Variants in ALS2 observed in about 807,000 individuals in gnomAD.
ALS2 encodes alsin Rho guanine nucleotide exchange factor ALS2, also known as alsin.
ALS2 carries 117 observed loss-of-function variants against 203.4 expected under a neutral mutation model. The ratio of observed to expected loss-of-function variants is 0.58; its 90% CI spans 0.50 to 0.67. ALS2 has a LOEUF of 0.67. Ranked by LOEUF, ALS2 falls within the 30% of genes least tolerant of loss-of-function variation. The pLI is 0.00. For missense variants in ALS2, 1,715 were observed against 1,989.4 expected, an observed-to-expected ratio of 0.86 and a Z score of 2.62; for synonymous variants, 718 against 725.9, an observed-to-expected ratio of 0.99 and a Z score of 0.17.
At position 201,726,671 on chromosome 2, in the gene ALS2, G is replaced by A; in HGVS notation, c.3175C>T (p.His1059Tyr). 1 of 1,614,102 alleles carries A rather than the reference G, an allele frequency of 6.2e-7. No individual in the cohort carries two copies. Among genetic ancestry groups the A allele is most frequent in the Non-Finnish European group, 8.5e-7 (1 of 1,179,984 alleles). ...AATCTTCAACATTTTCACCTGCCAT[G>A]AGGCTTCCCTGAAAGCCAGCGTCCA... ...YDGRWLSGKP[H>Y]GRGVLKWPDG... Residue 1059 changes from histidine (H) to tyrosine (Y), a missense_variant, in exon 18 of 34, where the codon CAT (histidine) becomes TAT (tyrosine). His to Tyr is a moderately conservative substitution (Grantham distance 83). Transcript: ENST00000264276.
At chr2:201,733,462 T>G (rs1203133181) in intron 12 of ALS2, 24 bp from the exon 13 acceptor site, 16 of 1,607,038 alleles carry the variant, frequency 1.0e-5, no homozygotes, top group East Asian at 4.5e-5. Flanking sequence ...AAAAAAAAAT[T>G]TAGTTAATCA....
chr2:201,742,872 G>A (rs1044618914), intron 10 of ALS2, among the ~76,000 whole-genome samples: 2 of 152,072 alleles, frequency 1.3e-5, no homozygotes, highest in African/African-American at 4.8e-5. Context: ...AGGAGTACAA[G>A]ACCAGCCTGG....
In ALS2 at chr2:201,757,865, C is replaced by T. The variant is rs1346268106; in HGVS notation, c.1114-106G>A. 3.5e-6 allele frequency: 3 copies of T among 866,816 alleles called. No individual in the cohort carries two copies. In the African/African-American group the frequency reaches 5.1e-5, roughly 15 times the overall value. 53.7% of individuals were successfully genotyped at this position (866,816 alleles called of 1,614,324 possible). A position where few individuals can be genotyped will look rare whatever the true frequency, so the allele number is the denominator to read the frequency against. ...TCCATCGCTATTTGCATGTAAGAATCTAAAACGACAGAAGTTCTCTTCATC... is the reference window on the plus strand; with the variant it reads ...TCCATCGCTATTTGCATGTAAGAATTTAAAACGACAGAAGTTCTCTTCATC... On this transcript the variant is annotated intron_variant, in intron 4 of 33. Transcript: ENST00000264276.
intron 16 of ALS2, 104 bp downstream of exon 16, chr2:201,727,601 A>C (rs1691266746): frequency 2.0e-6 from 2 of 981,940 alleles, no homozygotes; most frequent in Non-Finnish European, 1.6e-6. Flanking sequence ...ATACAGAATG[A>C]GGAGACTGTC....
In ALS2 at chr2:201,761,313, T is replaced by C; in HGVS notation, c.681A>G (p.Pro227=). Residue 227 remains proline (P), a synonymous_variant, in exon 4 of 34, where the codon CCA becomes CCG. Transcript: ENST00000264276. ...TGCACTGGTTGCATCGTTCTGGGACTGGCTTCAGATCCTGGGAAGGGAGGC... is the reference window on the plus strand; with the variant it reads ...TGCACTGGTTGCATCGTTCTGGGACCGGCTTCAGATCCTGGGAAGGGAGGC... ...VQCLPSQDLK[P]VPERCNQCSQ... The C allele has an allele frequency of 6.2e-7, 1 of 1,614,154 alleles. No individual in the cohort carries two copies. The highest frequency in any genetic ancestry group is 1.3e-5 in the African/African-American group (1 of 75,032).
At chr2:201,705,837 T>C (rs1452304143) in intron 29 of ALS2, among the ~76,000 whole-genome samples, 1 of 152,024 alleles carries the variant, frequency 6.6e-6, no homozygotes, top group Non-Finnish European at 1.5e-5. Context: ...TAATCCCAGC[T>C]AGCTGGGAGG....
chr2:201,715,466 T>C (rs1366347935), intron 25 of ALS2, among the ~76,000 whole-genome samples: 2 of 152,216 alleles, frequency 1.3e-5, no homozygotes. Flanking sequence ...CTTTTCAGAG[T>C]TCATAAATAA....
intron 29 of ALS2, 63 bp from the exon 30 acceptor site, chr2:201,705,524 A>G (rs1049569725): frequency 7.5e-7 from 1 of 1,335,532 alleles, no homozygotes; most frequent in South Asian, 1.2e-5. Context: ...AATCCCATAA[A>G]AATAGTTGAC....
At chr2:201,748,122 C>T (rs982910874) in intron 8 of ALS2, among the ~76,000 whole-genome samples, 2 of 152,112 alleles carry the variant, frequency 1.3e-5, no homozygotes, top group African/African-American at 4.8e-5. Flanking sequence ...AGCACTGACT[C>T]CTGGACTGAC....
At chr2:201,709,509 C>G (rs564121986) in intron 27 of ALS2, among the ~76,000 whole-genome samples, 39 of 152,256 alleles carry the variant, frequency 2.6e-4, no homozygotes, top group African/African-American at 9.1e-4. Flanking sequence ...AAGGACAAGA[C>G]ACAAAAACTC....
In ALS2 at chr2:201,741,784, G is replaced by A. The variant is rs3219160; in HGVS notation, c.2241C>T (p.Tyr747=). 2.5e-3 allele frequency: 4,094 copies of A among 1,614,118 alleles called. 16 individuals carry two copies. Among genetic ancestry groups the A allele is most frequent in the Admixed American group, 3.3e-3 (200 of 60,002 alleles). Residue 747 remains tyrosine, a synonymous_variant, in exon 11 of 34, where the codon TAC becomes TAT. Transcript: ENST00000264276. The part of the protein sequence containing the change: ...EVASRFSKLC[Y]LIGQHGASLS... The stretch of plus-strand genomic sequence containing the variant: ...ATGAGGCTCCATGCTGACCAATGAG[G>A]TAACACAGCTTGCTGAATCGGCTAG...
chr2:201,764,685 A>AT (rs879306289), intron 3 of ALS2, among the ~76,000 whole-genome samples: 112 of 149,888 alleles, frequency 7.5e-4, no homozygotes, highest in Admixed American at 4.7e-3. Flanking sequence ...AAATAAATAA[A>AT]AGTGAATCAA....
At chr2:201,775,328 A>G (rs1484478150) in intron 1 of ALS2, among the ~76,000 whole-genome samples, 1 of 152,176 alleles carries the variant, frequency 6.6e-6, no homozygotes, top group Non-Finnish European at 1.5e-5. Flanking sequence ...ATTACCATCA[A>G]TTTCCTATAG....
In ALS2 at chr2:201,711,064, A is replaced by T; in HGVS notation, c.4049T>A (p.Leu1350Ter). 1 of 1,612,866 alleles carries T rather than the reference A, an allele frequency of 6.2e-7. No homozygotes were observed. The highest frequency in any genetic ancestry group is 1.3e-5 in the African/African-American group (1 of 75,048). Residue 1350 changes from leucine (L) to a stop codon, truncating the protein, a stop_gained, in exon 26 of 34, where the codon TTG becomes TAG. Coordinates refer to ENST00000264276, the MANE Select transcript of ALS2 (RefSeq NM_020919.4). LOFTEE classifies it high-confidence loss of function. Reference protein sequence around the residue: ...SRSQTQTLESLEFIPQHVGAF... With the variant: ...SRSQTQTLES ...ACCAACATGCTGTGGAATGAATTCC[A>T]AACTCTCTAGTGTCTGAGTCTGTGA... is the stretch of plus-strand genomic sequence containing the variant.
At chr2:201,723,479 A>G (rs1466709002) in intron 21 of ALS2, 38 bp from the exon 22 acceptor site, 1 of 1,536,678 alleles carries the variant, frequency 6.5e-7, no homozygotes, top group East Asian at 2.2e-5. Flanking sequence ...AGCACTGAAG[A>G]TAAGGATAAA....
rs139942742 is a variant in ALS2, at chr2:201,729,943, T to G, written c.2581-760A>C. Among the ~76,000 whole-genome samples the G allele has an allele frequency of 4.0e-3, 615 of 152,214 alleles. 2 individuals are homozygous for G. The highest frequency in any genetic ancestry group is 9.2e-3 in the Admixed American group (140 of 15,282). ...AGAAAAGTGGCAATGGTCCACATTT[T>G]TTCAAATCTCTTTATTATCTGGCTT... On this transcript the variant is annotated intron_variant, in intron 13 of 33. Transcript: ENST00000264276.
intron 13 of ALS2, among the ~76,000 whole-genome samples, chr2:201,731,465 C>A (rs559744987): frequency 6.6e-6 from 1 of 151,906 alleles, no homozygotes; most frequent in Non-Finnish European, 1.5e-5. Flanking sequence ...ATGATGAAAT[C>A]GGTAATAATA....
rs776669454 is a variant in ALS2 at position 201,746,723 on chromosome 2, C to T, written c.1841G>A (p.Ser614Asn). The T allele has an allele frequency of 1.2e-6, 2 of 1,614,160 alleles. No individual in the cohort carries two copies. Among genetic ancestry groups the T allele is most frequent in the East Asian group, 2.2e-5 (1 of 44,862 alleles). Residue 614 changes from serine (S) to asparagine (N), a missense_variant, in exon 9 of 34, where the codon AGC becomes AAC. By Grantham distance (46) the Ser-to-Asn change is conservative. Transcript: ENST00000264276. Reference sequence around the variant, plus strand: ...GGAATAATCCCTGCCTGCAGCTATGCTCCAGACTCCATTTTCACTGCTTAT... The same window carrying T: ...GGAATAATCCCTGCCTGCAGCTATGTTCCAGACTCCATTTTCACTGCTTAT... The part of the protein sequence containing the change: ...AKISSENGVW[S>N]IAAGRDYSLF...
At chr2:201,771,807 C>T (rs1257532646) in intron 1 of ALS2, among the ~76,000 whole-genome samples, 2 of 152,196 alleles carry the variant, frequency 1.3e-5, no homozygotes, top group Non-Finnish European at 2.9e-5. Context: ...GCTTTAAGGT[C>T]TTTATCATTC....
Sources: gnomAD v4.1 joint callset for allele counts (sites outside exome capture counted in the v4.1 genomes callset) on GRCh38, gnomAD v4.1.1 for gene constraint, MANE v1.5 for transcripts, NCBI Gene and HGNC (gene_info 2026-07-23, HGNC 2026-07-21) for gene names.